The following RRAS2 variants were observed in gnomAD, a reference collection of about 807,000 sequenced individuals.
The protein encoded by RRAS2 is RAS related 2, also known as ras-related protein R-Ras2.
RRAS2 carries 7 observed loss-of-function variants against 27.6 expected under a neutral mutation model. The observed-to-expected ratio is 0.25, with a 90% CI of 0.14 to 0.48. The LOEUF (loss-of-function observed/expected upper bound fraction) is 0.48, where lower values mean the gene tolerates loss of function less well. Ranked by LOEUF, RRAS2 falls within the 20% of genes least tolerant of loss-of-function variation. The pLI is 0.99. For synonymous variants in RRAS2, 86 were observed against 90.9 expected (o/e 0.95, Z 0.31); for missense variants, 178 against 256.2 (o/e 0.69, Z 2.08).
chr11:14,358,759 G>A lies in RRAS2; in HGVS notation c.108+4C>T, dbSNP rs1234435293. The A allele has an allele frequency of 4.9e-6, 7 of 1,419,690 alleles. No homozygotes were observed. Among genetic ancestry groups the A allele is most frequent in the South Asian group, 1.4e-5 (1 of 71,794 alleles). 87.9% of individuals were successfully genotyped at this position (1,419,690 alleles called of 1,614,324 possible). A position where few individuals can be genotyped will look rare whatever the true frequency, so the allele number is the denominator to read the frequency against. ...GGCGCCCCGGGCAGGCCCGCTCCAG[G>A]TACCTGGATGAACTGGATGGTGAGC... On this transcript the variant is annotated splice_donor_region_variant and intron_variant, in intron 1 of 5. Coordinates refer to ENST00000256196, the MANE Select transcript of RRAS2 (RefSeq NM_012250.6). The surrounding 1 kb of genome is among the most constrained non-coding windows in gnomAD (Gnocchi z 5.1).
chr11:14,296,830 G>T (rs970544607), intron 1 of RRAS2, among the ~76,000 whole-genome samples: 7 of 151,984 alleles, frequency 4.6e-5, no homozygotes, highest in South Asian at 2.1e-4. Context: ...TAAAAAAAAG[G>T]GGGGGGACAG....
upstream of RRAS2, among the ~76,000 whole-genome samples, chr11:14,361,310 T>C (rs1207141283): frequency 1.6e-4 from 24 of 148,616 alleles, no homozygotes; most frequent in Admixed American, 1.5e-3. Context: ...AAAAAAAATG[T>C]ACTGGGATTA....
At chr11:14,350,856 T>C (rs556913451) in intron 1 of RRAS2, among the ~76,000 whole-genome samples, 1 of 152,192 alleles carries the variant, frequency 6.6e-6, no homozygotes, top group Non-Finnish European at 1.5e-5. Context: ...GTGAACAACA[T>C]ATCCAAGAAA....
intron 1 of RRAS2, among the ~76,000 whole-genome samples, chr11:14,315,062 G>C (rs1013480126): frequency 6.6e-6 from 1 of 152,134 alleles, no homozygotes; most frequent in Non-Finnish European, 1.5e-5. Context: ...ACTAACTCCA[G>C]GTAAATTTTT....
rs879992402 is a variant in RRAS2, at chr11:14,311,867, C to CT, written c.109-16013dup. 6.7e-3 allele frequency among the ~76,000 whole-genome samples: 984 copies of CT among 146,462 alleles called. 9 individuals are homozygous for CT. Among genetic ancestry groups the CT allele is most frequent in the African/African-American group, 0.022 (866 of 40,194 alleles). ...ATGGTAGCTTTGTTACTGTGAAAAA[C>CT]TTTTTTTTTTTTCTTGAGATAGAGT... On this transcript the variant is annotated intron_variant, in intron 1 of 5. Coordinates refer to ENST00000256196, the MANE Select transcript of RRAS2 (RefSeq NM_012250.6).
chr11:14,281,633 G>C lies in RRAS2; in HGVS notation c.496C>G (p.Gln166Glu). 1.9e-6 allele frequency: 3 copies of C among 1,602,678 alleles called. No homozygotes were observed. Among genetic ancestry groups the C allele is most frequent in the Non-Finnish European group, 2.6e-6 (3 of 1,176,268 alleles). ...ASAKIRMNVD[Q>E]AFHELVRVIR... ...ACCCGGACAAGTTCATGGAAAGCTT[G>C]ATCTACATTCATCCTAATCTTTGCT... The change falls in exon 5 of 6, where the codon CAA becomes GAA. Residue 166 changes from glutamine (Q) to glutamate (E), a missense_variant. By Grantham distance (29) the Gln-to-Glu change is conservative. Transcript: ENST00000256196.
intron 1 of RRAS2, among the ~76,000 whole-genome samples, chr11:14,325,309 T>C (rs1251546077): frequency 3.0e-5 from 4 of 135,414 alleles, no homozygotes; most frequent in Non-Finnish European, 6.3e-5. Context: ...ATCCTTTTAG[T>C]ATTTTTTTTT....
chr11:14,311,777 T>C (rs1313574316), intron 1 of RRAS2, among the ~76,000 whole-genome samples: 1 of 152,184 alleles, frequency 6.6e-6, no homozygotes, highest in Non-Finnish European at 1.5e-5. Context: ...TAGCCATGAA[T>C]GAAGGAAATT....
In RRAS2 at chr11:14,295,780, C is replaced by T; in HGVS notation, c.184G>A (p.Ala62Thr). The T allele has an allele frequency of 6.2e-7, 1 of 1,609,690 alleles. No individual in the cohort carries two copies. Among genetic ancestry groups the T allele is most frequent in the Non-Finnish European group, 8.5e-7 (1 of 1,177,574 alleles). The change falls in exon 2 of 6, where the codon GCC becomes ACC. Residue 62 changes from alanine (A) to threonine (T), a missense_variant. Physicochemically the swap from Ala to Thr is moderately conservative, Grantham distance 58. Transcript: ENST00000256196. The stretch of plus-strand genomic sequence containing the variant: ...GAAGTTTACTTACTATCTAGCCGGG[C>T]TGCTCTGTCATCTATCACACACTGC... ...TKQCVIDDRA[A>T]RLDILDTAGQ...
chr11:14,359,044 T>TGGCTGGGTACC lies in RRAS2; in HGVS notation c.-185_-175dup. 3.6e-6 allele frequency: 4 copies of TGGCTGGGTACC among 1,110,006 alleles called. No individual in the cohort carries two copies. The highest frequency in any genetic ancestry group is 4.4e-6 in the Non-Finnish European group (4 of 911,368). The allele number at this position is 1,110,006 out of a possible 1,614,324, so 68.8% of individuals were successfully genotyped here. On this transcript the variant is annotated 5_prime_UTR_variant, in exon 1 of 6. Coordinates refer to ENST00000256196, the MANE Select transcript of RRAS2 (RefSeq NM_012250.6). ...AGCGCGGTAGCGCGGCGCTGGGGACTGGCTGGGTACCGCCCGAGGCGCGGA... is the reference window on the plus strand; with the variant it reads ...AGCGCGGTAGCGCGGCGCTGGGGACTGGCTGGGTACCGGCTGGGTACCGCCCGAGGCGCGGA...
At chr11:14,306,625 C>G (rs1847835926) in intron 1 of RRAS2, among the ~76,000 whole-genome samples, 1 of 152,144 alleles carries the variant, frequency 6.6e-6, no homozygotes, top group African/African-American at 2.4e-5. Flanking sequence ...TGGGCAATAC[C>G]TGCTCCTGAG....
chr11:14,340,565 T>G (rs998511572), intron 1 of RRAS2, among the ~76,000 whole-genome samples: 14 of 152,298 alleles, frequency 9.2e-5, no homozygotes, highest in Non-Finnish European at 5.9e-5. Flanking sequence ...ATGGCTCTGC[T>G]AGAAGACACC....
chr11:14,363,133 GCA>G (rs1849211175), upstream of RRAS2, among the ~76,000 whole-genome samples: 3 of 152,246 alleles, frequency 2.0e-5, no homozygotes, highest in African/African-American at 7.2e-5. Context: ...GCGTTATCTG[GCA>G]ACAACTAGCT....
Position 14,281,735 on chromosome 11 carries a change from GTT to G in RRAS2, c.409-17_409-16del. 2 of 1,573,772 alleles carry G rather than the reference GTT, an allele frequency of 1.3e-6. No homozygotes were observed. Among genetic ancestry groups the G allele is most frequent in the Non-Finnish European group, 1.7e-6 (2 of 1,153,178 alleles). On this transcript the variant is annotated splice_polypyrimidine_tract_variant and intron_variant, in intron 4 of 5. Coordinates refer to ENST00000256196, the MANE Select transcript of RRAS2 (RefSeq NM_012250.6). The stretch of plus-strand genomic sequence containing the variant: ...TCCTGTGTTACCTGAAATTCCAACA[GTT>G]ATGTTTATGGTACATTATTAACAAC...
At chr11:14,286,298 G>A (rs535424328) in intron 4 of RRAS2, among the ~76,000 whole-genome samples, 125 of 152,118 alleles carry the variant, frequency 8.2e-4, no homozygotes, top group Non-Finnish European at 1.2e-3. Flanking sequence ...TTACGTATCA[G>A]GTATCAGATA....
At chr11:14,361,522 CCT>C (rs1431809486), upstream of RRAS2, among the ~76,000 whole-genome samples, 2 of 152,060 alleles carry the variant, frequency 1.3e-5, no homozygotes, top group African/African-American at 4.8e-5. Flanking sequence ...AGAGCGAGAC[CCT>C]GTCTCAAAAA....
intron 1 of RRAS2, among the ~76,000 whole-genome samples, chr11:14,300,813 G>A (rs74749286): frequency 0.14 from 21,346 of 152,078 alleles, 1,703 homozygotes; most frequent in African/African-American, 0.19. Context: ...GGGGTGAGTT[G>A]CCCTTCCGCC....
chr11:14,354,822 A>T (rs1450665204), intron 1 of RRAS2, among the ~76,000 whole-genome samples: 1 of 151,784 alleles, frequency 6.6e-6, no homozygotes, highest in Non-Finnish European at 1.5e-5. Flanking sequence ...GATTACAAGC[A>T]CGCACCAACA....
At chr11:14,307,514 G>A (rs559469465) in intron 1 of RRAS2, among the ~76,000 whole-genome samples, 15 of 84,396 alleles carry the variant, frequency 1.8e-4, no homozygotes, top group East Asian at 3.9e-4. Flanking sequence ...TCAGCCTCCC[G>A]AGAAGCTGGG....
Sources: allele counts gnomAD v4.1 joint callset (sites outside exome capture counted in the v4.1 genomes callset), GRCh38; gene constraint gnomAD v4.1.1; non-coding constraint Gnocchi (gnomAD v3.1); transcripts MANE v1.5; gene names NCBI Gene and HGNC (gene_info 2026-07-23, HGNC 2026-07-21).